The following AP3S2 variants were observed in gnomAD, a reference collection of about 807,000 sequenced individuals.
AP3S2 encodes AP-3 complex subunit sigma-2.
AP3S2 carries 22 observed loss-of-function variants against 23.4 expected under a neutral mutation model. That is an observed-to-expected ratio of 0.94 (90% confidence interval 0.67 to 1.34). The LOEUF (loss-of-function observed/expected upper bound fraction) is 1.34, where lower values mean the gene tolerates loss of function less well. Among genes scored for constraint, AP3S2 ranks in the 40% most tolerant of loss-of-function variants. AP3S2 has a pLI of 0.00. For missense variants in AP3S2, 241 were observed against 236.9 expected, an observed-to-expected ratio of 1.02 and a Z score of -0.11; for synonymous variants, 86 against 87.1, an observed-to-expected ratio of 0.99 and a Z score of 0.07.
At chr15:89,851,158 G>C (rs1321543479) in intron 4 of AP3S2, among the ~76,000 whole-genome samples, 1 of 152,130 alleles carries the variant, frequency 6.6e-6, no homozygotes. Flanking sequence ...AACATGTACA[G>C]AATTAACTAT....
At chr15:89,869,313 G>A (rs1896256036) in intron 4 of AP3S2, among the ~76,000 whole-genome samples, 1 of 147,492 alleles carries the variant, frequency 6.8e-6, no homozygotes, top group African/African-American at 2.5e-5. Flanking sequence ...TGTCCACTCA[G>A]GGTTAAATGG....
At chr15:89,877,099 A>T (rs1165860033) in intron 3 of AP3S2, 1 of 291,422 alleles carries the variant, frequency 3.4e-6, no homozygotes, top group African/African-American at 2.2e-5. Context: ...TATGGAAATT[A>T]GTGGGTATTA....
Position 89,846,393 on chromosome 15 carries a change from T to C in AP3S2, c.346-8671A>G, listed in dbSNP as rs575546627. 1.6e-3 allele frequency among the ~76,000 whole-genome samples: 238 copies of C among 152,246 alleles called. 1 individual carries two copies. The highest frequency in any genetic ancestry group is 5.5e-3 in the African/African-American group (228 of 41,538). ...TTTTTCTTGAGACATGGTCTCACTC[T>C]GTCGCCCAGGATGGAATACAGTGGC... On this transcript the variant is annotated intron_variant, in intron 4 of 5. Coordinates refer to ENST00000336418, the MANE Select transcript of AP3S2 (RefSeq NM_005829.5).
chr15:89,835,171 CTCA>C lies in AP3S2; in HGVS notation c.*341_*343del, dbSNP rs1895158885. ...AGGTTCTGGGAAGCAGGTGGGCCTG[CTCA>C]ATGCAGTCCCTAACCCTTGGGAGCA... On this transcript the variant is annotated 3_prime_UTR_variant, in exon 6 of 6. Coordinates refer to ENST00000336418, the MANE Select transcript of AP3S2 (RefSeq NM_005829.5). 1 of 359,956 alleles carries C rather than the reference CTCA, an allele frequency of 2.8e-6. No individual in the cohort carries two copies. Among genetic ancestry groups the C allele is most frequent in the South Asian group, 8.2e-5 (1 of 12,152 alleles). 22.3% of individuals were successfully genotyped at this position (359,956 alleles called of 1,614,324 possible).
intron 4 of AP3S2, among the ~76,000 whole-genome samples, chr15:89,867,643 G>A (rs1896170473): frequency 7.5e-6 from 1 of 133,790 alleles, no homozygotes; most frequent in Non-Finnish European, 1.6e-5. Flanking sequence ...TCTGAGATGT[G>A]GGGAGCGCCT....
chr15:89,856,315 C>G (rs1261147026), intron 4 of AP3S2, among the ~76,000 whole-genome samples: 1 of 152,194 alleles, frequency 6.6e-6, no homozygotes, highest in Non-Finnish European at 1.5e-5. Flanking sequence ...GTAATCCTAG[C>G]ACTTTGGGAG....
At chr15:89,839,427 T>G (rs1324023771) in intron 4 of AP3S2, among the ~76,000 whole-genome samples, 1 of 152,234 alleles carries the variant, frequency 6.6e-6, no homozygotes, top group Non-Finnish European at 1.5e-5. Context: ...TGTTCTTACA[T>G]TTTATACAAT....
At chr15:89,862,913 T>C (rs1896038080) in intron 4 of AP3S2, among the ~76,000 whole-genome samples, 1 of 152,134 alleles carries the variant, frequency 6.6e-6, no homozygotes, top group African/African-American at 2.4e-5. Flanking sequence ...TTTTTTTAAA[T>C]ACCCAAGTTT....
intron 3 of AP3S2, among the ~76,000 whole-genome samples, chr15:89,887,437 T>A (rs1596223355): frequency 6.6e-6 from 1 of 152,104 alleles, no homozygotes; most frequent in East Asian, 1.9e-4. Flanking sequence ...AGTGGTGCGA[T>A]CTCGGCTCAC....
rs147799867 is a variant in AP3S2, at chr15:89,877,842, C to T, written c.274-6296G>A. Among the ~76,000 whole-genome samples, 181 of 152,144 alleles carry T rather than the reference C, an allele frequency of 1.2e-3. 2 individuals carry two copies. The highest frequency in any genetic ancestry group is 4.1e-3 in the African/African-American group (172 of 41,534). On this transcript the variant is annotated intron_variant, in intron 3 of 5. Coordinates refer to ENST00000336418, the MANE Select transcript of AP3S2 (RefSeq NM_005829.5). Reference sequence around the variant, plus strand: ...AGAAAAACACCAAAAAACTGAAATGCTATTCCCATTTGCATTGGCTTTAAT... The same window carrying T: ...AGAAAAACACCAAAAAACTGAAATGTTATTCCCATTTGCATTGGCTTTAAT...
intron 3 of AP3S2, chr15:89,878,356 C>A: frequency 3.3e-6 from 2 of 604,228 alleles, no homozygotes; most frequent in Non-Finnish European, 2.9e-6. Context: ...ATAAATATAA[C>A]AAAAAAAGAA....
At chr15:89,881,211 A>G (rs1455302454) in intron 3 of AP3S2, among the ~76,000 whole-genome samples, 1 of 152,180 alleles carries the variant, frequency 6.6e-6, no homozygotes, top group Non-Finnish European at 1.5e-5. Context: ...GAGCGTGTAT[A>G]CGGTGAGGGG....
At position 89,874,056 on chromosome 15, in the gene AP3S2, G is replaced by A. The variant is rs75541442; in HGVS notation, c.274-2510C>T. Among the ~76,000 whole-genome samples the A allele has an allele frequency of 8.9e-3, 1,338 of 149,558 alleles. 17 individuals are homozygous for A. The highest frequency in any genetic ancestry group is 0.015 in the Non-Finnish European group (1,021 of 67,414). On this transcript the variant is annotated intron_variant, in intron 3 of 5. Transcript: ENST00000336418. ...CCACCATGCCTGGCTAAAATACTTC[G>A]TATTTTTAGTAGAGATAGGGTTTCA... is the stretch of plus-strand genomic sequence containing the variant.
At chr15:89,869,567 T>TAAAAAA (rs527600193) in intron 4 of AP3S2, among the ~76,000 whole-genome samples, 2 of 123,390 alleles carry the variant, frequency 1.6e-5, no homozygotes, top group Non-Finnish European at 3.4e-5. Flanking sequence ...GAATTATCAA[T>TAAAAAA]AAAAAAAAAA....
At chr15:89,855,017 T>A (rs1281997667) in intron 4 of AP3S2, among the ~76,000 whole-genome samples, 1 of 126,284 alleles carries the variant, frequency 7.9e-6, no homozygotes, top group Middle Eastern at 3.6e-3. Context: ...CCACCCCGTC[T>A]GGGAGGTGTG....
rs531160365 is a variant in AP3S2 at position 89,842,715 on chromosome 15, C to T, written c.346-4993G>A. Among the ~76,000 whole-genome samples, 199 of 152,200 alleles carry T rather than the reference C, an allele frequency of 1.3e-3. 1 individual carries two copies. Among genetic ancestry groups the T allele is most frequent in the African/African-American group, 4.6e-3 (190 of 41,538 alleles). ...GCAACCTCCACCTCCTGGGTTCAAG[C>T]GATTCTCCTGCCTCAGCCTCCCAAG... is the stretch of plus-strand genomic sequence containing the variant. On this transcript the variant is annotated intron_variant, in intron 4 of 5. Transcript: ENST00000336418.
At chr15:89,868,440 G>A (rs1896216234) in intron 4 of AP3S2, among the ~76,000 whole-genome samples, 1 of 80,556 alleles carries the variant, frequency 1.2e-5, no homozygotes. Flanking sequence ...GAGGTGAGGG[G>A]CGCCTCTGCC....
chr15:89,841,944 T>C (rs943534596), intron 4 of AP3S2, among the ~76,000 whole-genome samples: 5 of 151,788 alleles, frequency 3.3e-5, no homozygotes, highest in African/African-American at 1.2e-4. Flanking sequence ...CTAGATACAA[T>C]GGTAATAAAA....
chr15:89,858,489 A>G (rs866006380), intron 4 of AP3S2, among the ~76,000 whole-genome samples: 2,061 of 39,316 alleles, frequency 0.052, 17 homozygotes, highest in East Asian at 0.083. Flanking sequence ...GAAAGAAAGA[A>G]AGAAAGAGAG....
Sources: gnomAD v4.1 joint callset for allele counts (sites outside exome capture counted in the v4.1 genomes callset) on GRCh38, gnomAD v4.1.1 for gene constraint, MANE v1.5 for transcripts, NCBI Gene and HGNC (gene_info 2026-07-23, HGNC 2026-07-21) for gene names.